The following HS6ST3 variants were observed in gnomAD, a reference collection of about 807,000 sequenced individuals.
HS6ST3 encodes the protein heparan sulfate 6-O-sulfotransferase 3.
HS6ST3 carries 12 observed loss-of-function variants against 36.7 expected under a neutral mutation model. That is an observed-to-expected ratio of 0.33 (90% CI 0.21 to 0.53). HS6ST3 has a LOEUF of 0.53. Ranked by LOEUF, HS6ST3 falls within the 20% of genes least tolerant of loss-of-function variation. HS6ST3 has a pLI of 0.95. For missense variants in HS6ST3, 584 were observed against 640.9 expected (o/e 0.91, Z 0.96); for synonymous variants, 240 against 257.5 (o/e 0.93, Z 0.65).
At chr13:96,519,192 C>T (rs974096706) in intron 1 of HS6ST3, among the ~76,000 whole-genome samples, 9 of 152,124 alleles carry the variant, frequency 5.9e-5, no homozygotes, top group South Asian at 2.1e-4. Context: ...CTGGGTCTAC[C>T]GCAAGGTTAA....
intron 1 of HS6ST3, among the ~76,000 whole-genome samples, chr13:96,242,967 T>G (rs969255995): frequency 5.3e-5 from 8 of 152,108 alleles, no homozygotes; most frequent in Non-Finnish European, 1.2e-4. Context: ...ATAAAGAAAA[T>G]GTGGTATACA....
chr13:96,655,960 T>G (rs376005459), intron 1 of HS6ST3, among the ~76,000 whole-genome samples: 40 of 152,266 alleles, frequency 2.6e-4, no homozygotes, highest in South Asian at 2.1e-3. Flanking sequence ...TCATTTTCAT[T>G]GTTATTATGA....
intron 1 of HS6ST3, among the ~76,000 whole-genome samples, chr13:96,428,142 T>C (rs930439018): frequency 5.3e-5 from 8 of 152,034 alleles, no homozygotes; most frequent in African/African-American, 1.9e-4. Context: ...GTTCAGGAGA[T>C]CAAGACTGTC....
intron 1 of HS6ST3, among the ~76,000 whole-genome samples, chr13:96,287,385 G>A (rs2054808904): frequency 6.6e-6 from 1 of 151,892 alleles, no homozygotes; most frequent in African/African-American, 2.4e-5. Flanking sequence ...GATCCTTAAG[G>A]AGCTTTAGCT....
At chr13:96,374,267 ACAAT>A (rs946535087) in intron 1 of HS6ST3, among the ~76,000 whole-genome samples, 4 of 152,340 alleles carry the variant, frequency 2.6e-5, no homozygotes, top group Admixed American at 2.0e-4. Context: ...AACCTAATTG[ACAAT>A]CAATAATTGG....
chr13:96,388,512 C>T (rs953198515), intron 1 of HS6ST3, among the ~76,000 whole-genome samples: 3 of 152,118 alleles, frequency 2.0e-5, no homozygotes, highest in African/African-American at 7.2e-5. Context: ...TTAGAATGGG[C>T]CCATAGGCCT....
At chr13:96,661,431 G>A (rs2056645979) in intron 1 of HS6ST3, among the ~76,000 whole-genome samples, 1 of 152,000 alleles carries the variant, frequency 6.6e-6, no homozygotes, top group Non-Finnish European at 1.5e-5. Flanking sequence ...TGATGTAAGT[G>A]TAGCTACTCC....
At chr13:96,694,069 G>A (rs1875053719) in intron 1 of HS6ST3, among the ~76,000 whole-genome samples, 1 of 151,996 alleles carries the variant, frequency 6.6e-6, no homozygotes, top group Non-Finnish European at 1.5e-5. Flanking sequence ...TCATTATAGA[G>A]GTAAACTTGT....
At chr13:96,776,045 A>C (rs2138510642) in intron 1 of HS6ST3, among the ~76,000 whole-genome samples, 1 of 152,326 alleles carries the variant, frequency 6.6e-6, no homozygotes, top group Middle Eastern at 3.4e-3. Flanking sequence ...TTTACTCAAA[A>C]CTGCACAACT....
At chr13:96,262,796 A>G (rs2054672874) in intron 1 of HS6ST3, among the ~76,000 whole-genome samples, 1 of 152,140 alleles carries the variant, frequency 6.6e-6, no homozygotes, top group Non-Finnish European at 1.5e-5. Context: ...AAAATAGGGC[A>G]TACGATATTA....
chr13:96,214,364 C>G (rs1393846921), intron 1 of HS6ST3, among the ~76,000 whole-genome samples: 1 of 152,134 alleles, frequency 6.6e-6, no homozygotes, highest in Non-Finnish European at 1.5e-5. Context: ...CTCATCTCAT[C>G]TCTGACCACT....
chr13:96,832,373 T>C (rs1000320083), intron 1 of HS6ST3, 117 bp from the exon 2 acceptor site: 27 of 708,018 alleles, frequency 3.8e-5, no homozygotes, highest in Non-Finnish European at 5.9e-5. Context: ...GCGAATACTC[T>C]CACATGAACA....
At chr13:96,792,422 T>A (rs1363684543) in intron 1 of HS6ST3, among the ~76,000 whole-genome samples, 1 of 151,996 alleles carries the variant, frequency 6.6e-6, no homozygotes, top group Non-Finnish European at 1.5e-5. Flanking sequence ...CACGTCCTAT[T>A]TTTCTCACCA....
At chr13:96,809,622 T>C (rs938808822) in intron 1 of HS6ST3, among the ~76,000 whole-genome samples, 1 of 152,048 alleles carries the variant, frequency 6.6e-6, no homozygotes, top group African/African-American at 2.4e-5. Context: ...ACCTGGAGGG[T>C]CACTGCAATG....
rs372023579 is a variant in HS6ST3 at position 96,737,679 on chromosome 13, G to C, written c.708-94811G>C. ...AAAAGAGATTATTTTCAAACCACGGGCTATTGGAATGTTAAATCACAGAAA... is the reference window on the plus strand; with the variant it reads ...AAAAGAGATTATTTTCAAACCACGGCCTATTGGAATGTTAAATCACAGAAA... On this transcript the variant is annotated intron_variant, in intron 1 of 1. Coordinates refer to ENST00000376705, the MANE Select transcript of HS6ST3 (RefSeq NM_153456.4). 2.0e-5 allele frequency among the ~76,000 whole-genome samples: 3 copies of C among 151,088 alleles called. No individual in the cohort carries two copies. The East Asian group carries it at 5.8e-4, about 29-fold the overall frequency.
At chr13:96,737,148 A>C (rs2138481604) in intron 1 of HS6ST3, among the ~76,000 whole-genome samples, 1 of 152,302 alleles carries the variant, frequency 6.6e-6, no homozygotes, top group African/African-American at 2.4e-5. Context: ...TAAACAGAGA[A>C]AGAGAGAAAG....
chr13:96,335,758 CCTCGTTGAT>C (rs1325836594), intron 1 of HS6ST3, among the ~76,000 whole-genome samples: 20 of 152,226 alleles, frequency 1.3e-4, no homozygotes, highest in African/African-American at 4.8e-4. Flanking sequence ...CCTTCAGGGT[CCTCGTTGAT>C]AGGATATTAA....
chr13:96,701,796 CA>C, intron 1 of HS6ST3, among the ~76,000 whole-genome samples: 1 of 151,672 alleles, frequency 6.6e-6, no homozygotes, highest in African/African-American at 2.4e-5. Flanking sequence ...CCCATCTCTA[CA>C]AAAAAAATAC....
chr13:96,493,622 A>T (rs2055957697), intron 1 of HS6ST3, among the ~76,000 whole-genome samples: 2 of 152,214 alleles, frequency 1.3e-5, no homozygotes, highest in African/African-American at 4.8e-5. Flanking sequence ...GAAAAAGTTG[A>T]TCTCTCGATG....
Sources: allele counts gnomAD v4.1 joint callset (sites outside exome capture counted in the v4.1 genomes callset), GRCh38; gene constraint gnomAD v4.1.1; transcripts MANE v1.5; gene names NCBI Gene and HGNC (gene_info 2026-07-23, HGNC 2026-07-21).